ITGA9: variants seen among roughly 807,000 people sequenced by gnomAD.
The protein encoded by ITGA9 is integrin subunit alpha 9, also known as integrin alpha-9.
In ITGA9, 56 loss-of-function variants were observed where a neutral mutation model predicts 127.8. The ratio of observed to expected loss-of-function variants is 0.44; its 90% CI spans 0.35 to 0.55. The LOEUF is 0.55. Ranked by LOEUF, ITGA9 falls within the 20% of genes least tolerant of loss-of-function variation. ITGA9 has a pLI of 0.00. For synonymous variants in ITGA9, 508 were observed against 514.5 expected (o/e 0.99, Z 0.17); for missense variants, 1,196 against 1,347.1 (o/e 0.89, Z 1.76).
At chr3:37,755,448 A>G (rs931022170) in intron 23 of ITGA9, among the ~76,000 whole-genome samples, 5 of 152,152 alleles carry the variant, frequency 3.3e-5, no homozygotes, top group African/African-American at 1.2e-4. Context: ...CAAAAGAACT[A>G]ATACCAGAGG....
intron 15 of ITGA9, among the ~76,000 whole-genome samples, chr3:37,561,609 G>A (rs1699488938): frequency 6.6e-6 from 1 of 152,204 alleles, no homozygotes; most frequent in Admixed American, 6.5e-5. Flanking sequence ...GCATGGTGAT[G>A]ACGGCCTGCA....
intron 3 of ITGA9, among the ~76,000 whole-genome samples, chr3:37,473,893 AC>A (rs879528772): frequency 6.6e-6 from 1 of 152,082 alleles, no homozygotes; most frequent in Admixed American, 6.5e-5. Context: ...AACTCCTCTC[AC>A]CTGAGACAAA....
Position 37,452,608 on chromosome 3 carries a change from C to G in ITGA9, c.185+49C>G, listed in dbSNP as rs1342710867. Reference sequence around the variant, plus strand: ...ACCCTGGCCCGCGCGGCCACCGCCCCGGCCCCCAGGCCAGCGCCGCCGCCG... The same window carrying G: ...ACCCTGGCCCGCGCGGCCACCGCCCGGGCCCCCAGGCCAGCGCCGCCGCCG... On this transcript the variant is annotated intron_variant, in intron 1 of 27. Coordinates refer to ENST00000264741, the MANE Select transcript of ITGA9 (RefSeq NM_002207.3). The surrounding 1 kb of genome is among the most constrained non-coding windows in gnomAD (Gnocchi z 7.3). 19 of 1,453,978 alleles carry G rather than the reference C, an allele frequency of 1.3e-5. 1 individual carries two copies. Among genetic ancestry groups the G allele is most frequent in the Admixed American group, 7.1e-5 (3 of 42,462 alleles). The allele number at this position is 1,453,978 out of a possible 1,614,324, so 90.1% of individuals were successfully genotyped here.
At position 37,706,951 on chromosome 3, in the gene ITGA9, G is replaced by A. The variant is rs938219836; in HGVS notation, c.2067+22936G>A. Among the ~76,000 whole-genome samples, 4 of 152,076 alleles carry A rather than the reference G, an allele frequency of 2.6e-5. No homozygotes were observed. In the East Asian group the frequency reaches 7.7e-4, roughly 29 times the overall value. ...TACAGATGAAGAAGTAAAAGTTTGT[G>A]TTCTGGAGGGGTGGGGCTTCAATCT... On this transcript the variant is annotated intron_variant, in intron 18 of 27. Coordinates refer to ENST00000264741, the MANE Select transcript of ITGA9 (RefSeq NM_002207.3).
chr3:37,497,981 T>G (rs1482317294), intron 5 of ITGA9, among the ~76,000 whole-genome samples: 1 of 149,664 alleles, frequency 6.7e-6, no homozygotes, highest in Non-Finnish European at 1.5e-5. Context: ...GAGGGAGGCT[T>G]AAGGAATAAA....
chr3:37,664,594 A>AT (rs1157177714), intron 17 of ITGA9, among the ~76,000 whole-genome samples: 12 of 150,090 alleles, frequency 8.0e-5, no homozygotes, highest in Non-Finnish European at 1.6e-4. Context: ...CTAATTTTCT[A>AT]TTTTTAGTAA....
intron 12 of ITGA9, 93 bp downstream of exon 12, chr3:37,523,704 A>G (rs2125582656): frequency 1.1e-6 from 1 of 906,668 alleles, no homozygotes; most frequent in East Asian, 2.4e-5. Context: ...CATCACATCC[A>G]TTTAGGATTA....
At chr3:37,501,018 A>T (rs999661641) in intron 5 of ITGA9, among the ~76,000 whole-genome samples, 2 of 152,074 alleles carry the variant, frequency 1.3e-5, no homozygotes, top group African/African-American at 4.8e-5. Flanking sequence ...GCACATTACC[A>T]TGCTGTCTTA....
At chr3:37,748,791 C>A (rs1696542036) in intron 22 of ITGA9, 4 of 725,996 alleles carry the variant, frequency 5.5e-6, no homozygotes. Flanking sequence ...CAGAAAGATA[C>A]CTGGGTCCAA....
intron 17 of ITGA9, among the ~76,000 whole-genome samples, chr3:37,654,224 A>ACACACACACACC (rs1167356893): frequency 2.6e-5 from 4 of 151,506 alleles, no homozygotes; most frequent in African/African-American, 9.7e-5. Flanking sequence ...ACACACACAC[A>ACACACACACACC]CACACACTAG....
At chr3:37,602,072 C>T (rs1699927462) in intron 15 of ITGA9, among the ~76,000 whole-genome samples, 2 of 152,042 alleles carry the variant, frequency 1.3e-5, no homozygotes, top group African/African-American at 2.4e-5. Context: ...CCAAGCCATT[C>T]ACAATGGATC....
chr3:37,459,095 C>G (rs1410844180), intron 1 of ITGA9, among the ~76,000 whole-genome samples: 1 of 152,208 alleles, frequency 6.6e-6, no homozygotes, highest in African/African-American at 2.4e-5. Flanking sequence ...AATGTCTGTT[C>G]TGACCAAAAA....
chr3:37,571,848 A>G (rs932243205), intron 15 of ITGA9, among the ~76,000 whole-genome samples: 16 of 151,936 alleles, frequency 1.1e-4, no homozygotes, highest in African/African-American at 3.6e-4. Context: ...GTGTCTCACC[A>G]TCTGAGGAGC....
Position 37,818,191 on chromosome 3 carries a change from T to TAAAAAAAAAAA in ITGA9, c.3010-684_3010-674dup, listed in dbSNP as rs748381488. The TAAAAAAAAAAA allele has an allele frequency of 1.2e-3, 37 of 31,970 alleles. 1 individual carries two copies. The highest frequency in any genetic ancestry group is 2.5e-3 in the African/African-American group (27 of 10,666). 2.0% of individuals were successfully genotyped at this position (31,970 alleles called of 1,614,324 possible). A position where few individuals can be genotyped will look rare whatever the true frequency, so the allele number is the denominator to read the frequency against. On this transcript the variant is annotated intron_variant, in intron 27 of 27. Transcript: ENST00000264741. ...CTTTCCACTGTACATTAAGACTCTC[T>TAAAAAAAAAAA]AAAAAAAAAAAAAAAAAAAAAAAAA...
intron 21 of ITGA9, 23 bp from the exon 22 acceptor site, chr3:37,743,903 G>A: frequency 6.5e-7 from 1 of 1,542,938 alleles, no homozygotes; most frequent in Non-Finnish European, 9.0e-7. Flanking sequence ...GGGGATGACA[G>A]ATTTCATGCT....
At chr3:37,743,007 A>G (rs1455579481) in intron 21 of ITGA9, among the ~76,000 whole-genome samples, 2 of 151,982 alleles carry the variant, frequency 1.3e-5, no homozygotes, top group Admixed American at 6.6e-5. Context: ...TCTCCCCACC[A>G]CCCCCAGACA....
intron 17 of ITGA9, among the ~76,000 whole-genome samples, chr3:37,668,354 T>G (rs958492040): frequency 2.6e-5 from 4 of 152,184 alleles, no homozygotes; most frequent in Non-Finnish European, 5.9e-5. Flanking sequence ...TGGGCAGTGT[T>G]TTCCTTGGCT....
chr3:37,736,222 A>G (rs1696359868), intron 19 of ITGA9, among the ~76,000 whole-genome samples: 2 of 152,068 alleles, frequency 1.3e-5, no homozygotes, highest in African/African-American at 4.8e-5. Flanking sequence ...CCACATATTA[A>G]TTTGAGGAGT....
In ITGA9 at chr3:37,481,643, C is replaced by T; in HGVS notation, c.544+36C>T. ...ATTGATTTTTCCTCATCCCCCTACCCACCTCATGCCCTAAGCCCGCCTTCC... is the reference window on the plus strand; with the variant it reads ...ATTGATTTTTCCTCATCCCCCTACCTACCTCATGCCCTAAGCCCGCCTTCC... On this transcript the variant is annotated intron_variant, in intron 4 of 27. Coordinates refer to ENST00000264741, the MANE Select transcript of ITGA9 (RefSeq NM_002207.3). 2.5e-6 allele frequency: 4 copies of T among 1,613,826 alleles called. No homozygotes were observed. In the East Asian group the frequency reaches 8.9e-5, roughly 36 times the overall value.
Sources: allele counts gnomAD v4.1 joint callset (sites outside exome capture counted in the v4.1 genomes callset), GRCh38; gene constraint gnomAD v4.1.1; non-coding constraint Gnocchi (gnomAD v3.1); transcripts MANE v1.5; gene names NCBI Gene and HGNC (gene_info 2026-07-23, HGNC 2026-07-21).